FNDC1: variants seen among roughly 807,000 people sequenced by gnomAD.
The protein encoded by FNDC1 is fibronectin type III domain-containing protein 1.
A neutral mutation model predicts 168.0 loss-of-function variants in FNDC1; 96 were observed. The ratio of observed to expected loss-of-function variants is 0.57; its 90% CI spans 0.48 to 0.68. The LOEUF (loss-of-function observed/expected upper bound fraction) is 0.68. FNDC1 is among the 30% of genes least tolerant of loss of function. FNDC1 has a pLI of 0.00. For synonymous variants in FNDC1, 1,099 were observed against 1,025.9 expected (o/e 1.07, Z -1.36); for missense variants, 2,587 against 2,482.1 (o/e 1.04, Z -0.90).
At chr6:159,221,814 A>G in intron 6 of FNDC1, 118 bp downstream of exon 6, 2 of 849,126 alleles carry the variant, frequency 2.4e-6, no homozygotes, top group Non-Finnish European at 1.9e-6. Flanking sequence ...AAAAGAAATA[A>G]CAGGGCAAAT....
At chr6:159,194,407 A>G (rs1339096495) in intron 1 of FNDC1, among the ~76,000 whole-genome samples, 5 of 152,228 alleles carry the variant, frequency 3.3e-5, no homozygotes, top group Non-Finnish European at 5.9e-5. Context: ...TCTTCATTAG[A>G]TGAGAATACT....
At chr6:159,183,474 G>T (rs1781924952) in intron 1 of FNDC1, among the ~76,000 whole-genome samples, 1 of 152,226 alleles carries the variant, frequency 6.6e-6, no homozygotes. Context: ...ACACACTGGA[G>T]CTCAGAGGGG....
chr6:159,175,005 A>G (rs1358889037), intron 1 of FNDC1, among the ~76,000 whole-genome samples: 3 of 152,250 alleles, frequency 2.0e-5, no homozygotes, highest in Non-Finnish European at 4.4e-5. Flanking sequence ...TTATTATAAT[A>G]ATGCTACACT....
rs1281118147 is a variant in FNDC1, at chr6:159,212,372, G to A, written c.461-2573G>A. 1.3e-5 allele frequency among the ~76,000 whole-genome samples: 2 copies of A among 152,230 alleles called. 1 individual carries two copies. The highest frequency in any genetic ancestry group is 4.8e-5 in the African/African-American group (2 of 41,466). ...GTGAGGCTATCACATACAGCCCAGA[G>A]AGAACACTTAAATAGTTTAATTGCA... On this transcript the variant is annotated intron_variant, in intron 4 of 22. Coordinates refer to ENST00000297267, the MANE Select transcript of FNDC1 (RefSeq NM_032532.3).
chr6:159,187,787 C>G (rs750618167), intron 1 of FNDC1, among the ~76,000 whole-genome samples: 30 of 152,108 alleles, frequency 2.0e-4, no homozygotes, highest in Non-Finnish European at 4.1e-4. Context: ...TTGAGTCGTT[C>G]TAGTATTTTG....
chr6:159,182,072 T>G (rs778376423), intron 1 of FNDC1, among the ~76,000 whole-genome samples: 2 of 152,218 alleles, frequency 1.3e-5, no homozygotes, highest in Non-Finnish European at 2.9e-5. Context: ...CCTGCTGATA[T>G]TCAAACAAAC....
Position 159,232,386 on chromosome 6 carries a change from C to A in FNDC1, c.1874C>A (p.Ser625Tyr), listed in dbSNP as rs769455310. ...SASASPAHHASTQGTSHRPSL... is the reference protein window; with the variant it reads ...SASASPAHHAYTQGTSHRPSL... ...TCGGCCTCTCCTGCCCACCACGCGT[C>A]CACCCAGGGCACCTCTCATCGTCCT... Residue 625 changes from serine to tyrosine, a missense_variant, in exon 11 of 23, where the codon TCC (serine) becomes TAC (tyrosine). Ser to Tyr is a moderately radical substitution (Grantham distance 144). Coordinates refer to ENST00000297267, the MANE Select transcript of FNDC1 (RefSeq NM_032532.3). This position sits in a 1 kb window ranked among gnomAD's most constrained non-coding sequence, Gnocchi z 4.9. The A allele has an allele frequency of 4.3e-6, 7 of 1,613,222 alleles. No individual in the cohort carries two copies. In the East Asian group the frequency reaches 1.1e-4, roughly 26 times the overall value.
intron 22 of FNDC1, 34 bp downstream of exon 22, chr6:159,267,960 G>T: frequency 6.3e-7 from 1 of 1,589,830 alleles, no homozygotes; most frequent in Admixed American, 1.8e-5. Context: ...TATTATCCTA[G>T]GAGGTGGGAG....
chr6:159,235,072 T>G (rs537316253), intron 11 of FNDC1, among the ~76,000 whole-genome samples: 1 of 152,236 alleles, frequency 6.6e-6, no homozygotes. Flanking sequence ...GACAGTGCAA[T>G]TAGTGCATGT....
Position 159,234,281 on chromosome 6 carries a change from G to C in FNDC1, c.3769G>C (p.Val1257Leu). 6.3e-7 allele frequency: 1 copy of C among 1,598,978 alleles called. No homozygotes were observed. Among genetic ancestry groups the C allele is most frequent in the Non-Finnish European group, 8.5e-7 (1 of 1,172,942 alleles). ...PPGSSPRASHVPSRLPPRSAA... is the reference protein window; with the variant it reads ...PPGSSPRASHLPSRLPPRSAA... ...AGGCAGCTCCCCCAGGGCCTCCCAC[G>C]TCCCTTCCCGACTGCCGCCTCGCAG... Residue 1257 changes from valine (V) to leucine (L), a missense_variant, in exon 11 of 23, where the codon GTC becomes CTC. Coordinates refer to ENST00000297267, the MANE Select transcript of FNDC1 (RefSeq NM_032532.3).
chr6:159,262,932 TCC>T (rs1777515648), intron 19 of FNDC1, among the ~76,000 whole-genome samples: 1 of 152,238 alleles, frequency 6.6e-6, no homozygotes, highest in South Asian at 2.1e-4. Flanking sequence ...TTCAAGTTTC[TCC>T]TTCATTTTGT....
chr6:159,257,704 A>G (rs1410735190), intron 18 of FNDC1, among the ~76,000 whole-genome samples: 1 of 152,196 alleles, frequency 6.6e-6, no homozygotes, highest in Non-Finnish European at 1.5e-5. Flanking sequence ...AGACATTTTA[A>G]TGTGCCATTT....
intron 17 of FNDC1, among the ~76,000 whole-genome samples, chr6:159,253,161 G>A (rs1360227361): frequency 6.6e-6 from 1 of 152,104 alleles, no homozygotes; most frequent in East Asian, 1.9e-4. Flanking sequence ...GAGTACTCAC[G>A]ACACTAGCAT....
chr6:159,226,699 C>T (rs1212696246), intron 9 of FNDC1, 119 bp downstream of exon 9: 1 of 671,148 alleles, frequency 1.5e-6, no homozygotes, highest in East Asian at 3.0e-5. Flanking sequence ...GAGGTGCTCA[C>T]CCAAGGGACG....
intron 1 of FNDC1, among the ~76,000 whole-genome samples, chr6:159,171,994 A>G (rs1781671773): frequency 6.6e-6 from 1 of 152,212 alleles, no homozygotes; most frequent in South Asian, 2.1e-4. Context: ...TCTTACTGAG[A>G]ATCAAGGCAG....
chr6:159,194,843 G>T (rs1782211515), intron 1 of FNDC1, among the ~76,000 whole-genome samples: 1 of 152,100 alleles, frequency 6.6e-6, no homozygotes, highest in African/African-American at 2.4e-5. Flanking sequence ...GGAATGATGG[G>T]CAGGATTGCT....
At chr6:159,197,320 A>G in intron 1 of FNDC1, 111 bp from the exon 2 acceptor site, 3 of 1,038,174 alleles carry the variant, frequency 2.9e-6, no homozygotes, top group Non-Finnish European at 4.3e-6. Flanking sequence ...CTTTCGGATC[A>G]TACTGATTAA....
chr6:159,265,972 A>T, intron 20 of FNDC1, 112 bp from the exon 21 acceptor site: 1 of 1,040,686 alleles, frequency 9.6e-7, no homozygotes, highest in Non-Finnish European at 1.4e-6. Context: ...ACAAACAAAA[A>T]GCCCTGTAAG....
chr6:159,187,970 A>G (rs1031625426), intron 1 of FNDC1, among the ~76,000 whole-genome samples: 2 of 152,044 alleles, frequency 1.3e-5, no homozygotes, highest in East Asian at 1.9e-4. Flanking sequence ...GTACATCCTA[A>G]CCTTTTCTGG....
Sources: allele counts gnomAD v4.1 joint callset (sites outside exome capture counted in the v4.1 genomes callset), GRCh38; gene constraint gnomAD v4.1.1; non-coding constraint Gnocchi (gnomAD v3.1); transcripts MANE v1.5; gene names NCBI Gene and HGNC (gene_info 2026-07-23, HGNC 2026-07-21).